The following INPP4B variants were observed in gnomAD, a reference collection of about 807,000 sequenced individuals.
INPP4B encodes the protein inositol polyphosphate 4-phosphatase type II.
INPP4B carries 55 observed loss-of-function variants against 122.5 expected under a neutral mutation model. The ratio of observed to expected loss-of-function variants is 0.45; its 90% confidence interval spans 0.36 to 0.56. INPP4B has a LOEUF of 0.56. INPP4B is among the 20% of genes least tolerant of loss of function. The pLI, the probability that INPP4B is intolerant of heterozygous loss-of-function variation, is 0.00. For synonymous variants in INPP4B, 403 were observed against 388.7 expected (o/e 1.04, Z -0.43); for missense variants, 1,000 against 1,097.7 (o/e 0.91, Z 1.26).
intron 7 of INPP4B, among the ~76,000 whole-genome samples, chr4:142,350,850 T>C (rs563894657): frequency 6.6e-6 from 1 of 152,176 alleles, no homozygotes; most frequent in South Asian, 2.1e-4. Context: ...TTCTGTAAAC[T>C]TCATTGTGAT....
intron 16 of INPP4B, among the ~76,000 whole-genome samples, chr4:142,172,141 T>C (rs1187735532): frequency 6.6e-6 from 1 of 151,930 alleles, no homozygotes; most frequent in African/African-American, 2.4e-5. Flanking sequence ...AAGGCATTTG[T>C]CTAACAAACA....
chr4:142,402,033 A>C (rs903688472), intron 7 of INPP4B, among the ~76,000 whole-genome samples: 2 of 152,240 alleles, frequency 1.3e-5, no homozygotes, highest in African/African-American at 4.8e-5. Flanking sequence ...TGCCGAAGTG[A>C]GGGCAGAGTT....
chr4:142,537,419 TATATATATATAGAGAGAGAGAGAGAGAG>T (rs1280691777), intron 2 of INPP4B, among the ~76,000 whole-genome samples: 12 of 52,164 alleles, frequency 2.3e-4, no homozygotes, highest in African/African-American at 7.7e-4. Flanking sequence ...TATATATATA[TATATATATATAGAGAGAGAGAGAGAGAG>T]AGAGAGAGAG....
intron 1 of INPP4B, among the ~76,000 whole-genome samples, chr4:142,736,076 C>A (rs1766839459): frequency 6.6e-6 from 1 of 152,034 alleles, no homozygotes. Context: ...ACCTCTTATA[C>A]TCAAATGGTG....
chr4:142,412,350 T>G (rs935351010), intron 5 of INPP4B, among the ~76,000 whole-genome samples: 2 of 152,190 alleles, frequency 1.3e-5, no homozygotes, highest in African/African-American at 2.4e-5. Flanking sequence ...TTTTGTTTTT[T>G]ATTCTTCCTT....
At chr4:142,377,489 T>C (rs1792374871) in intron 7 of INPP4B, among the ~76,000 whole-genome samples, 2 of 152,048 alleles carry the variant, frequency 1.3e-5, no homozygotes, top group East Asian at 1.9e-4. Flanking sequence ...CAAGGTAACA[T>C]GCTGCTCAAA....
chr4:142,409,271 T>C (rs1241298570), intron 5 of INPP4B, among the ~76,000 whole-genome samples: 2 of 152,170 alleles, frequency 1.3e-5, no homozygotes, highest in Non-Finnish European at 2.9e-5. Context: ...GGAGGGCAGA[T>C]TGCTTGAGGT....
intron 3 of INPP4B, among the ~76,000 whole-genome samples, chr4:142,454,181 A>G (rs1187367708): frequency 1.3e-5 from 2 of 152,038 alleles, no homozygotes; most frequent in African/African-American, 4.8e-5. Context: ...GATTGTTTTG[A>G]CCCTACGTGT....
At chr4:142,286,196 G>A (rs1442415572) in intron 9 of INPP4B, among the ~76,000 whole-genome samples, 2 of 152,132 alleles carry the variant, frequency 1.3e-5, no homozygotes, top group East Asian at 3.8e-4. Context: ...CAAATGTCCT[G>A]CATCCATTTA....
chr4:142,244,176 C>T (rs1860926657), intron 11 of INPP4B, among the ~76,000 whole-genome samples: 1 of 151,658 alleles, frequency 6.6e-6, no homozygotes, highest in African/African-American at 2.4e-5. Context: ...GTTTTCCGTC[C>T]CTGTGTTAGT....
chr4:142,222,759 T>C (rs1025906436), intron 12 of INPP4B, among the ~76,000 whole-genome samples: 1 of 152,192 alleles, frequency 6.6e-6, no homozygotes, highest in African/African-American at 2.4e-5. Flanking sequence ...TGCTCTTCTG[T>C]CCATTGAGAA....
rs539549404 is a variant in INPP4B at position 142,595,554 on chromosome 4, T to C, written c.-191+130285A>G. Among the ~76,000 whole-genome samples, 9 of 152,332 alleles carry C rather than the reference T, an allele frequency of 5.9e-5. No individual in the cohort carries two copies. In the South Asian group the frequency reaches 1.9e-3, roughly 32 times the overall value. ...GGGAACAGAAAACTTATTTTATGTT[T>C]ATCCAGCAAAAATTGGTTTTTTTGA... On this transcript the variant is annotated intron_variant, in intron 2 of 25. Transcript: ENST00000262992.
At chr4:142,121,974 C>A (rs1316337530) in intron 21 of INPP4B, among the ~76,000 whole-genome samples, 154 bp downstream of exon 21, 1 of 151,946 alleles carries the variant, frequency 6.6e-6, no homozygotes, top group African/African-American at 2.4e-5. Flanking sequence ...TGTCCCCTAT[C>A]ATATCATCCA....
intron 2 of INPP4B, among the ~76,000 whole-genome samples, chr4:142,656,402 C>T (rs1279023518): frequency 6.6e-6 from 1 of 152,210 alleles, no homozygotes; most frequent in Non-Finnish European, 1.5e-5. Flanking sequence ...CAAAACCTCT[C>T]ACTGTTGCTT....
At chr4:142,788,694 C>T (rs1776099197) in intron 1 of INPP4B, among the ~76,000 whole-genome samples, 1 of 152,084 alleles carries the variant, frequency 6.6e-6, no homozygotes, top group African/African-American at 2.4e-5. Flanking sequence ...GCTTAGCTCT[C>T]ACTTATGAGT....
intron 7 of INPP4B, among the ~76,000 whole-genome samples, chr4:142,346,727 T>G (rs566693957): frequency 2.6e-5 from 4 of 152,026 alleles, no homozygotes; most frequent in Non-Finnish European, 5.9e-5. Flanking sequence ...ATTAAGTAAT[T>G]AAAGCCTACA....
intron 2 of INPP4B, among the ~76,000 whole-genome samples, chr4:142,708,222 T>C (rs1477040623): frequency 6.6e-6 from 1 of 152,124 alleles, no homozygotes; most frequent in Non-Finnish European, 1.5e-5. Context: ...GATCTGAAAC[T>C]GGAACTTATT....
chr4:142,224,188 G>A (rs543896333), intron 12 of INPP4B, among the ~76,000 whole-genome samples: 1 of 152,268 alleles, frequency 6.6e-6, no homozygotes, highest in South Asian at 2.1e-4. Context: ...ACCCTTGTCT[G>A]ATGATAAATA....
At position 142,837,201 on chromosome 4, in the gene INPP4B, G is replaced by T. The variant is rs547788222; in HGVS notation, c.-254+9008C>A. Reference sequence around the variant, plus strand: ...ATAATAATAATAAAGGAAAACCAAGGTCTCAATATGCAAACAGGTTAAAGA... The same window carrying T: ...ATAATAATAATAAAGGAAAACCAAGTTCTCAATATGCAAACAGGTTAAAGA... On this transcript the variant is annotated intron_variant, in intron 1 of 25. Transcript: ENST00000262992. Among the ~76,000 whole-genome samples, 22 of 147,438 alleles carry T rather than the reference G, an allele frequency of 1.5e-4. 1 individual carries two copies. In the South Asian group the frequency reaches 4.6e-3, roughly 31 times the overall value.
Sources: allele counts gnomAD v4.1 joint callset (sites outside exome capture counted in the v4.1 genomes callset), GRCh38; gene constraint gnomAD v4.1.1; transcripts MANE v1.5; gene names NCBI Gene and HGNC (gene_info 2026-07-23, HGNC 2026-07-21).